PPP2R5A: variants seen among roughly 807,000 people sequenced by gnomAD.
The protein encoded by PPP2R5A is serine/threonine-protein phosphatase 2A 56 kDa regulatory subunit alpha isoform.
PPP2R5A carries 25 observed loss-of-function variants against 64.2 expected under a neutral mutation model. The observed-to-expected ratio is 0.39, with a 90% confidence interval of 0.28 to 0.54. The LOEUF (loss-of-function observed/expected upper bound fraction) is 0.54, where lower values mean the gene tolerates loss of function less well. Among genes scored for constraint, PPP2R5A ranks in the 20% least tolerant of loss-of-function variants. PPP2R5A has a pLI of 0.67. For missense variants in PPP2R5A, 425 were observed against 576.3 expected, an observed-to-expected ratio of 0.74 and a Z score of 2.69; for synonymous variants, 198 against 201.2, an observed-to-expected ratio of 0.98 and a Z score of 0.13.
At chr1:212,340,502 G>C (rs1450116805) in intron 3 of PPP2R5A, among the ~76,000 whole-genome samples, 1 of 152,218 alleles carries the variant, frequency 6.6e-6, no homozygotes, top group Non-Finnish European at 1.5e-5. Flanking sequence ...CCATGAGACT[G>C]TGCTGACTTT....
chr1:212,350,998 G>C (rs1236685224), intron 8 of PPP2R5A, among the ~76,000 whole-genome samples: 3 of 147,932 alleles, frequency 2.0e-5, no homozygotes, highest in African/African-American at 7.5e-5. Flanking sequence ...AAAAAAATTA[G>C]CTGGGCATGG....
intron 1 of PPP2R5A, among the ~76,000 whole-genome samples, chr1:212,323,086 C>T (rs1268075964): frequency 1.3e-5 from 2 of 152,156 alleles, no homozygotes; most frequent in Admixed American, 6.5e-5. Context: ...GTGCCCAGCC[C>T]TCATTTCATT....
In PPP2R5A at chr1:212,348,493, C is replaced by T. The variant is rs769280608; in HGVS notation, c.869C>T (p.Ala290Val). 1 of 1,568,540 alleles carries T rather than the reference C, an allele frequency of 6.4e-7. No individual in the cohort carries two copies. The highest frequency in any genetic ancestry group is 1.1e-5 in the South Asian group (1 of 88,604). ...GCAAAAGGATTAGCTTTGTTTCATG[C>T]TCAGGTAAGTTTCAGAAACATTTCA... ...HTAKGLALFHAQLAYCVVQFL... is the reference protein window; with the variant it reads ...HTAKGLALFHVQLAYCVVQFL... Residue 290 changes from alanine (A) to valine (V), a missense_variant, in exon 7 of 13, where the codon GCT (alanine) becomes GTT (valine). This residue lies in a region of PPP2R5A where 177 missense variants were observed against 244.8 expected (regional missense o/e 0.72). Coordinates refer to ENST00000261461, the MANE Select transcript of PPP2R5A (RefSeq NM_006243.4).
At chr1:212,320,634 T>TGCTTCCCTCCCC (rs1558146289) in intron 1 of PPP2R5A, among the ~76,000 whole-genome samples, 2 of 140,798 alleles carry the variant, frequency 1.4e-5, no homozygotes, top group African/African-American at 5.3e-5. Flanking sequence ...CTGACCTCCC[T>TGCTTCCCTCCCC]GCCTCCCTCC....
chr1:212,355,388 T>C (rs1040484574), intron 8 of PPP2R5A, among the ~76,000 whole-genome samples: 3 of 152,210 alleles, frequency 2.0e-5, no homozygotes. Flanking sequence ...TCTTACTGGA[T>C]TGTCTCCAAA....
intron 4 of PPP2R5A, among the ~76,000 whole-genome samples, chr1:212,343,105 G>T (rs142565195): frequency 6.8e-5 from 10 of 148,092 alleles, no homozygotes; most frequent in African/African-American, 2.4e-4. Flanking sequence ...ACGCCACCAT[G>T]CCCGGCTGAT....
intron 3 of PPP2R5A, among the ~76,000 whole-genome samples, chr1:212,338,877 T>G (rs1459555670): frequency 6.6e-6 from 1 of 152,178 alleles, no homozygotes; most frequent in Non-Finnish European, 1.5e-5. Flanking sequence ...TTTCATTCAT[T>G]CAGTAAGCAT....
intron 11 of PPP2R5A, among the ~76,000 whole-genome samples, chr1:212,357,721 T>C (rs1464652457): frequency 1.3e-5 from 2 of 149,496 alleles, no homozygotes; most frequent in Non-Finnish European, 3.0e-5. Flanking sequence ...GAGAATGGCA[T>C]GAACCTGGGA....
Position 212,349,344 on chromosome 1 carries a change from G to A in PPP2R5A, c.927+102G>A, listed in dbSNP as rs1659836826. Reference sequence around the variant, plus strand: ...ATAGTTATTAAGTAGAATAATGTACGTTAAGCTAAAATCATTTAGAAGAAG... The same window carrying A: ...ATAGTTATTAAGTAGAATAATGTACATTAAGCTAAAATCATTTAGAAGAAG... On this transcript the variant is annotated intron_variant, in intron 8 of 12. Transcript: ENST00000261461. 11 of 802,726 alleles carry A rather than the reference G, an allele frequency of 1.4e-5. 1 individual carries two copies. The highest frequency in any genetic ancestry group is 8.9e-5 in the South Asian group (3 of 33,818). The allele number at this position is 802,726 out of a possible 1,614,324, so 49.7% of individuals were successfully genotyped here. A position where few individuals can be genotyped will look rare whatever the true frequency, so the allele number is the denominator to read the frequency against.
chr1:212,329,613 G>A (rs1301284948), intron 2 of PPP2R5A, among the ~76,000 whole-genome samples: 1 of 152,092 alleles, frequency 6.6e-6, no homozygotes, highest in East Asian at 1.9e-4. Context: ...GGTAATTAAT[G>A]TCATGGAGGT....
chr1:212,296,903 C>T (rs1658702491), intron 1 of PPP2R5A, among the ~76,000 whole-genome samples: 1 of 152,076 alleles, frequency 6.6e-6, no homozygotes, highest in Admixed American at 6.5e-5. Flanking sequence ...AGGTAGGTTA[C>T]ATTCTTATGC....
chr1:212,320,634 T>TGCCTCCCTCCCC (rs1166852515), intron 1 of PPP2R5A, among the ~76,000 whole-genome samples: 3 of 140,798 alleles, frequency 2.1e-5, no homozygotes, highest in Non-Finnish European at 3.1e-5. Flanking sequence ...CTGACCTCCC[T>TGCCTCCCTCCCC]GCCTCCCTCC....
At chr1:212,319,428 T>C (rs999623752) in intron 1 of PPP2R5A, 3 of 152,220 alleles carry the variant, frequency 2.0e-5, no homozygotes, top group Non-Finnish European at 4.4e-5. Flanking sequence ...ATGGACGTTA[T>C]CATCCGTAGT....
intron 4 of PPP2R5A, among the ~76,000 whole-genome samples, chr1:212,342,915 T>A (rs986360964): frequency 6.6e-6 from 1 of 152,038 alleles, no homozygotes; most frequent in African/African-American, 2.4e-5. Flanking sequence ...TTTCTAAGAA[T>A]ATATTCATTT....
chr1:212,286,153 A>T lies in PPP2R5A; in HGVS notation c.43A>T (p.Ile15Phe). ...GCCGGCGGGGGCTGCCAGCGCCGCC[A>T]TCTCGGCCTCGGAGAAAGTGGACGG... ...SPPAGAASAA[I>F]SASEKVDGFT... is the part of the protein sequence containing the mutation. The change falls in exon 1 of 13, where the codon ATC (isoleucine) becomes TTC (phenylalanine). Residue 15 changes from isoleucine (I) to phenylalanine (F), a missense_variant. Physicochemically the swap from Ile to Phe is conservative, Grantham distance 21 (BLOSUM62 0). This residue lies in a region of PPP2R5A where 104 missense variants were observed against 95.7 expected (regional missense o/e 1.09). Transcript: ENST00000261461. 2 of 1,588,070 alleles carry T rather than the reference A, an allele frequency of 1.3e-6. No individual in the cohort carries two copies. The highest frequency in any genetic ancestry group is 1.7e-6 in the Non-Finnish European group (2 of 1,169,174).
chr1:212,344,107 G>C (rs534157252), intron 4 of PPP2R5A, among the ~76,000 whole-genome samples: 19 of 152,258 alleles, frequency 1.2e-4, no homozygotes, highest in African/African-American at 4.3e-4. Flanking sequence ...AAGTAGCTGG[G>C]ACTGCAAATG....
At chr1:212,353,015 G>A (rs1214025373) in intron 8 of PPP2R5A, 3 of 507,036 alleles carry the variant, frequency 5.9e-6, no homozygotes, top group East Asian at 5.5e-5. Flanking sequence ...ATCTGGTCAT[G>A]GCTTAGGTGG....
chr1:212,315,534 C>A (rs1346168703), intron 1 of PPP2R5A, among the ~76,000 whole-genome samples: 2 of 152,166 alleles, frequency 1.3e-5, no homozygotes, highest in Admixed American at 6.5e-5. Context: ...TAATGTAAAA[C>A]TTCTTTGCAA....
rs558265822 is a variant in PPP2R5A at position 212,357,322 on chromosome 1, T to C, written c.1226+38T>C. On this transcript the variant is annotated intron_variant, in intron 11 of 12. Coordinates refer to ENST00000261461, the MANE Select transcript of PPP2R5A (RefSeq NM_006243.4). ...TATATAGGTCGTATTTTTTTCTTTT[T>C]TTTTTTTTATATCTTTTTGTTATTG... 6.1e-6 allele frequency: 9 copies of C among 1,464,034 alleles called. No individual in the cohort carries two copies. The South Asian group carries it at 9.5e-5, about 16-fold the overall frequency. The allele number at this position is 1,464,034 out of a possible 1,614,324, so 90.7% of individuals were successfully genotyped here. A position where few individuals can be genotyped will look rare whatever the true frequency, so the allele number is the denominator to read the frequency against.
Sources: allele counts gnomAD v4.1 joint callset (sites outside exome capture counted in the v4.1 genomes callset), GRCh38; gene constraint gnomAD v4.1.1; regional missense constraint gnomAD v4.1.1; transcripts MANE v1.5; gene names NCBI Gene and HGNC (gene_info 2026-07-23, HGNC 2026-07-21).